The following SRRM4 variants were observed in gnomAD, a reference collection of about 807,000 sequenced individuals.
SRRM4 encodes serine/arginine repetitive matrix 4.
A neutral mutation model predicts 68.9 loss-of-function variants in SRRM4; 33 were observed. The ratio of observed to expected loss-of-function variants is 0.48; its 90% CI spans 0.36 to 0.64. SRRM4 has a LOEUF of 0.64. Among genes scored for constraint, SRRM4 ranks in the 30% least tolerant of loss-of-function variants. SRRM4 has a pLI of 0.00. For missense variants in SRRM4, 817 were observed against 827.1 expected (o/e 0.99, Z 0.15); for synonymous variants, 318 against 318.8 (o/e 1.00, Z 0.03).
chr12:119,105,045 C>T (rs1217657466), intron 2 of SRRM4, among the ~76,000 whole-genome samples: 2 of 147,342 alleles, frequency 1.4e-5, no homozygotes, highest in Non-Finnish European at 3.0e-5. Flanking sequence ...GTTCAATTCC[C>T]ACCTATGAGT....
At chr12:119,124,494 A>T (rs1954244739) in intron 6 of SRRM4, among the ~76,000 whole-genome samples, 1 of 152,180 alleles carries the variant, frequency 6.6e-6, no homozygotes, top group South Asian at 2.1e-4. Flanking sequence ...TCCCAACAGA[A>T]TCATCTCTAA....
At chr12:119,134,046 C>T (rs978632077) in intron 8 of SRRM4, among the ~76,000 whole-genome samples, 2 of 152,094 alleles carry the variant, frequency 1.3e-5, no homozygotes, top group Admixed American at 1.3e-4. Flanking sequence ...AGATAAAATT[C>T]CATGGCAAGA....
At chr12:119,055,737 C>T (rs533301478) in intron 1 of SRRM4, among the ~76,000 whole-genome samples, 2 of 152,316 alleles carry the variant, frequency 1.3e-5, no homozygotes, top group African/African-American at 2.4e-5. Flanking sequence ...GATTCTGCCT[C>T]GAACAGCAGC....
At chr12:119,128,610 A>G (rs1954275150) in intron 7 of SRRM4, among the ~76,000 whole-genome samples, 1 of 152,202 alleles carries the variant, frequency 6.6e-6, no homozygotes, top group African/African-American at 2.4e-5. Context: ...GCTAAAACAC[A>G]TCTCTGATCT....
intron 1 of SRRM4, among the ~76,000 whole-genome samples, chr12:119,098,316 G>C (rs1043428952): frequency 1.3e-5 from 2 of 152,210 alleles, no homozygotes; most frequent in Admixed American, 6.5e-5. Context: ...AGGTTGAACA[G>C]AGAAGACATG....
At chr12:119,095,969 A>C (rs1299301579) in intron 1 of SRRM4, among the ~76,000 whole-genome samples, 1 of 151,106 alleles carries the variant, frequency 6.6e-6, no homozygotes, top group African/African-American at 2.4e-5. Context: ...CAAAAAAAAA[A>C]AAAAAAAAAG....
intron 1 of SRRM4, among the ~76,000 whole-genome samples, chr12:119,100,088 T>G (rs1321222674): frequency 1.3e-5 from 2 of 152,162 alleles, no homozygotes; most frequent in East Asian, 3.9e-4. Flanking sequence ...CCTTCAAGTC[T>G]CCACTCCCTT....
intron 1 of SRRM4, among the ~76,000 whole-genome samples, chr12:119,022,065 T>C (rs1953519648): frequency 6.6e-6 from 1 of 152,098 alleles, no homozygotes; most frequent in Non-Finnish European, 1.5e-5. Flanking sequence ...AAATAGTTAA[T>C]GCATGTGGGG....
chr12:119,087,993 C>A (rs555750810), intron 1 of SRRM4, among the ~76,000 whole-genome samples: 1 of 152,206 alleles, frequency 6.6e-6, no homozygotes, highest in African/African-American at 2.4e-5. Context: ...TTTTAATTGT[C>A]TGATGAGGTG....
chr12:119,060,314 G>C (rs980008739), intron 1 of SRRM4, among the ~76,000 whole-genome samples: 1 of 150,778 alleles, frequency 6.6e-6, no homozygotes. Context: ...GTGTCCAGGA[G>C]AGCCATGGAT....
intron 1 of SRRM4, among the ~76,000 whole-genome samples, chr12:119,027,940 T>C (rs1013205688): frequency 6.6e-6 from 1 of 152,136 alleles, no homozygotes; most frequent in East Asian, 1.9e-4. Flanking sequence ...TCAACCCGAG[T>C]GGAGTATGCA....
rs1954463095 is a variant in SRRM4 at position 119,154,935 on chromosome 12, C to A, written c.1532+552C>A. ...CCTAGAGGGAGCCACGGTGGATAAG[C>A]CGGAGAGCACTGGATGTGGATTGGA... On this transcript the variant is annotated intron_variant, in intron 12 of 12. Transcript: ENST00000267260. The surrounding 1 kb of genome is among the most constrained non-coding windows in gnomAD (Gnocchi z 4.7). Among the ~76,000 whole-genome samples the A allele has an allele frequency of 6.6e-6, 1 of 152,204 alleles. No individual in the cohort carries two copies. Among genetic ancestry groups the A allele is most frequent in the Non-Finnish European group, 1.5e-5 (1 of 68,038 alleles).
At chr12:119,027,311 AC>A (rs1356368129) in intron 1 of SRRM4, among the ~76,000 whole-genome samples, 2 of 152,240 alleles carry the variant, frequency 1.3e-5, no homozygotes, top group East Asian at 1.9e-4. Flanking sequence ...ATAAAGTATC[AC>A]CCCTGTTTTA....
intron 8 of SRRM4, among the ~76,000 whole-genome samples, chr12:119,136,085 AT>A (rs1433998760): frequency 1.3e-5 from 2 of 152,126 alleles, no homozygotes; most frequent in African/African-American, 4.8e-5. Context: ...TTGCCATAAT[AT>A]TTTTTGTCAT....
At chr12:118,984,055 G>T (rs138975649) in intron 1 of SRRM4, among the ~76,000 whole-genome samples, 1 of 152,118 alleles carries the variant, frequency 6.6e-6, no homozygotes, top group Non-Finnish European at 1.5e-5. Flanking sequence ...TGTAATAGGC[G>T]TGGCCTCTCT....
chr12:119,048,008 A>T (rs941242592), intron 1 of SRRM4, among the ~76,000 whole-genome samples: 1 of 152,246 alleles, frequency 6.6e-6, no homozygotes, highest in Non-Finnish European at 1.5e-5. Context: ...GCAATTCTAG[A>T]TCTTGAGATA....
At chr12:119,152,989 G>A (rs774143218) in intron 10 of SRRM4, among the ~76,000 whole-genome samples, 40 of 152,342 alleles carry the variant, frequency 2.6e-4, no homozygotes, top group Non-Finnish European at 4.6e-4. Flanking sequence ...GTTTAGCGAA[G>A]TGCATCATCT....
intron 4 of SRRM4, 64 bp from the exon 5 acceptor site, chr12:119,120,184 CCT>C (rs1175770985): frequency 6.2e-6 from 7 of 1,126,324 alleles, no homozygotes; most frequent in Middle Eastern, 2.0e-4. Context: ...TCTCTCTCTC[CCT>C]CTCTTTCTCT....
At chr12:119,081,161 G>A (rs1299860649) in intron 1 of SRRM4, among the ~76,000 whole-genome samples, 1 of 152,182 alleles carries the variant, frequency 6.6e-6, no homozygotes, top group African/African-American at 2.4e-5. Flanking sequence ...TCTAGTGGGA[G>A]TAAGGGGCTC....
Sources: gnomAD v4.1 joint callset for allele counts (sites outside exome capture counted in the v4.1 genomes callset) on GRCh38, gnomAD v4.1.1 for gene constraint, Gnocchi (gnomAD v3.1) non-coding constraint, MANE v1.5 for transcripts, NCBI Gene and HGNC (gene_info 2026-07-23, HGNC 2026-07-21) for gene names.